The following CDK13 variants were observed in gnomAD, a reference collection of about 807,000 sequenced individuals.
CDK13 encodes cyclin dependent kinase 13.
CDK13 carries 40 observed loss-of-function variants against 137.6 expected under a neutral mutation model. That is an observed-to-expected ratio of 0.29 (90% CI 0.23 to 0.38). The LOEUF (loss-of-function observed/expected upper bound fraction) is 0.38. Among genes scored for constraint, CDK13 ranks in the 10% least tolerant of loss-of-function variants. CDK13 has a pLI of 1.00. For synonymous variants in CDK13, 869 were observed against 760.1 expected, an observed-to-expected ratio of 1.14 and a Z score of -2.36; for missense variants, 1,704 against 1,951.8, an observed-to-expected ratio of 0.87 and a Z score of 2.39.
At chr7:39,956,153 T>C (rs1175311592) in intron 1 of CDK13, among the ~76,000 whole-genome samples, 1 of 152,024 alleles carries the variant, frequency 6.6e-6, no homozygotes, top group Non-Finnish European at 1.5e-5. Context: ...TAGAAATAAG[T>C]CATGAAAATC....
intron 5 of CDK13, among the ~76,000 whole-genome samples, chr7:40,030,714 T>A (rs534548604): frequency 3.3e-5 from 5 of 152,110 alleles, no homozygotes; most frequent in South Asian, 4.1e-4. Context: ...TTTTTTTTTT[T>A]AAACTTTATC....
rs1447903460 is a variant in CDK13, at chr7:39,950,449, C to G, written c.-193C>G. 59 of 1,238,130 alleles carry G rather than the reference C, an allele frequency of 4.8e-5. No individual in the cohort carries two copies. Among genetic ancestry groups the G allele is most frequent in the Non-Finnish European group, 5.8e-5 (58 of 991,620 alleles). The allele number at this position is 1,238,130 out of a possible 1,614,324, so 76.7% of individuals were successfully genotyped here. ...TTCCTGCTTCCCTGGGGCCCGGAGGCTGCTGCGTACCCCACTGTGACCTGG... is the reference window on the plus strand; with the variant it reads ...TTCCTGCTTCCCTGGGGCCCGGAGGGTGCTGCGTACCCCACTGTGACCTGG... On this transcript the variant is annotated 5_prime_UTR_variant, in exon 1 of 14. Coordinates refer to ENST00000181839, the MANE Select transcript of CDK13 (RefSeq NM_003718.5).
chr7:39,996,961 C>CAAAAAAAAAAAAAAAAAAAA (rs72210233), intron 2 of CDK13, among the ~76,000 whole-genome samples: 6 of 83,242 alleles, frequency 7.2e-5, no homozygotes, highest in African/African-American at 4.7e-4. Context: ...GATTCCATCT[C>CAAAAAAAAAAAAAAAAAAAA]AAAAAAAAAA....
At chr7:40,089,723 A>AGAGAGTGTGT (rs1491307176) in intron 12 of CDK13, among the ~76,000 whole-genome samples, 2 of 125,154 alleles carry the variant, frequency 1.6e-5, no homozygotes, top group African/African-American at 4.5e-5. Flanking sequence ...AGAGAGAGAG[A>AGAGAGTGTGT]GTGTGTGTGT....
intron 5 of CDK13, among the ~76,000 whole-genome samples, chr7:40,018,505 C>T (rs967868025): frequency 6.6e-6 from 1 of 152,034 alleles, no homozygotes; most frequent in Non-Finnish European, 1.5e-5. Flanking sequence ...ATGGAACCAA[C>T]CTAAGTGCCC....
chr7:39,988,151 A>G lies in CDK13; in HGVS notation c.1764A>G (p.Thr588=). The G allele has an allele frequency of 6.2e-7, 1 of 1,614,094 alleles. No homozygotes were observed. Among genetic ancestry groups the G allele is most frequent in the Non-Finnish European group, 8.5e-7 (1 of 1,180,000 alleles). The change falls in exon 2 of 14, where the codon ACA becomes ACG. Residue 588 remains threonine, a synonymous_variant. Coordinates refer to ENST00000181839, the MANE Select transcript of CDK13 (RefSeq NM_003718.5). ...VSLKEKTKPL[T]PSIGAKEKEQ... is the part of the protein sequence containing the mutation. ...TTAAAGAGAAAACCAAACCACTTAC[A>G]CCAAGCATAGGAGCCAAGGAGAAGG...
chr7:40,001,738 C>T, intron 4 of CDK13, 123 bp from the exon 5 acceptor site: 1 of 727,808 alleles, frequency 1.4e-6, no homozygotes, highest in Non-Finnish European at 2.4e-6. Flanking sequence ...GAAACTGAAA[C>T]ATACTTTGTG....
At chr7:39,971,762 A>G (rs1018023589) in intron 1 of CDK13, among the ~76,000 whole-genome samples, 4 of 152,154 alleles carry the variant, frequency 2.6e-5, no homozygotes, top group Non-Finnish European at 4.4e-5. Context: ...GGGCGCCTAT[A>G]GTCCCAGCTA....
chr7:40,041,362 A>G (rs1401309659), intron 5 of CDK13, among the ~76,000 whole-genome samples: 1 of 152,150 alleles, frequency 6.6e-6, no homozygotes, highest in Non-Finnish European at 1.5e-5. Context: ...ATTTAACCCA[A>G]TGTATCTAAT....
At chr7:40,091,151 C>T (rs1269069433) in intron 12 of CDK13, among the ~76,000 whole-genome samples, 2 of 151,890 alleles carry the variant, frequency 1.3e-5, no homozygotes, top group Non-Finnish European at 2.9e-5. Context: ...CGAGACCATC[C>T]TGGCTAACAC....
intron 1 of CDK13, among the ~76,000 whole-genome samples, chr7:39,966,626 C>T (rs1783878246): frequency 6.6e-6 from 1 of 152,206 alleles, no homozygotes; most frequent in African/African-American, 2.4e-5. Context: ...CGAAGTCATT[C>T]TCTGTCCAGC....
At chr7:40,090,980 G>A (rs1786908112) in intron 12 of CDK13, among the ~76,000 whole-genome samples, 1 of 152,078 alleles carries the variant, frequency 6.6e-6, no homozygotes, top group African/African-American at 2.4e-5. Flanking sequence ...GGAGGCCGAG[G>A]TGGATGGATC....
At chr7:39,976,646 A>G (rs1280275157) in intron 1 of CDK13, among the ~76,000 whole-genome samples, 3 of 152,098 alleles carry the variant, frequency 2.0e-5, no homozygotes, top group Non-Finnish European at 4.4e-5. Context: ...CACTCTAAAT[A>G]TACTATGTTT....
At chr7:40,006,357 G>A (rs1784796050) in intron 5 of CDK13, among the ~76,000 whole-genome samples, 1 of 152,150 alleles carries the variant, frequency 6.6e-6, no homozygotes, top group Non-Finnish European at 1.5e-5. Flanking sequence ...AACAGATTAT[G>A]GATGGAGATG....
rs985772068 is a variant in CDK13, at chr7:40,082,976, G to A, written c.3029+4125G>A. ...AAATTAGCCAGGCGTGGTGGCACAC[G>A]CCTGTAATCCCAGCTACTCCAGAGG... On this transcript the variant is annotated intron_variant, in intron 11 of 13. Transcript: ENST00000181839. Among the ~76,000 whole-genome samples, 9 of 151,844 alleles carry A rather than the reference G, an allele frequency of 5.9e-5. No homozygotes were observed. The South Asian group carries it at 1.0e-3, about 18-fold the overall frequency.
intron 1 of CDK13, among the ~76,000 whole-genome samples, chr7:39,983,816 G>T (rs1352407524): frequency 1.3e-5 from 2 of 152,090 alleles, no homozygotes; most frequent in Non-Finnish European, 1.5e-5. Flanking sequence ...GACACTTTTG[G>T]TTCCTATATT....
intron 7 of CDK13, among the ~76,000 whole-genome samples, chr7:40,053,640 C>T (rs1411674761): frequency 1.3e-5 from 2 of 152,028 alleles, no homozygotes; most frequent in Non-Finnish European, 2.9e-5. Context: ...CCTTTGAAAT[C>T]TGTCCTGAAT....
At chr7:39,999,313 T>C (rs1162051850) in intron 3 of CDK13, 48 bp from the exon 4 acceptor site, 1 of 1,491,748 alleles carries the variant, frequency 6.7e-7, no homozygotes, top group East Asian at 2.3e-5. Context: ...AGACAGTTTA[T>C]TCAATTTGCT....
intron 1 of CDK13, among the ~76,000 whole-genome samples, chr7:39,978,428 A>G (rs1187061081): frequency 6.6e-6 from 1 of 152,146 alleles, no homozygotes; most frequent in Admixed American, 6.5e-5. Flanking sequence ...TATAAGCCAG[A>G]TTGTAGTGAT....
Sources: allele counts gnomAD v4.1 joint callset (sites outside exome capture counted in the v4.1 genomes callset), GRCh38; gene constraint gnomAD v4.1.1; transcripts MANE v1.5; gene names NCBI Gene and HGNC (gene_info 2026-07-23, HGNC 2026-07-21).